Variants in TBPL2 observed in about 807,000 individuals in gnomAD.
The protein encoded by TBPL2 is TATA-box binding protein like 2, also known as TATA box-binding protein-like 2.
Under a neutral mutation model 38.2 loss-of-function variants are expected in TBPL2, and 40 were observed. The observed-to-expected ratio is 1.05, with a 90% CI of 0.81 to 1.36. TBPL2 has a LOEUF of 1.36. Ranked by LOEUF, TBPL2 falls within the 40% of genes most tolerant of loss-of-function variation. TBPL2 has a pLI of 0.00. For synonymous variants in TBPL2, 169 were observed against 171.7 expected, an observed-to-expected ratio of 0.98 and a Z score of 0.12; for missense variants, 461 against 456.7, an observed-to-expected ratio of 1.01 and a Z score of -0.09.
At chr14:55,433,817 T>A (rs1345925194) in intron 3 of TBPL2, 96 bp from the exon 4 acceptor site, 1 of 1,069,648 alleles carries the variant, frequency 9.3e-7, no homozygotes, top group African/African-American at 1.6e-5. Flanking sequence ...TCAAACAGAT[T>A]GGATGGGAAA....
At chr14:55,435,402 A>G (rs1260977288) in intron 3 of TBPL2, among the ~76,000 whole-genome samples, 1 of 150,772 alleles carries the variant, frequency 6.6e-6, no homozygotes, top group Admixed American at 6.6e-5. Context: ...CAACCTCCTG[A>G]GTAGCTGGGA....
intron 5 of TBPL2, among the ~76,000 whole-genome samples, chr14:55,428,069 C>T (rs1885857293): frequency 6.7e-6 from 1 of 148,588 alleles, no homozygotes; most frequent in Non-Finnish European, 1.5e-5. Context: ...TCTCCCCTCA[C>T]CAGCTGTCAA....
At chr14:55,420,550 AACTTTT>A (rs1437679299) in intron 6 of TBPL2, among the ~76,000 whole-genome samples, 1 of 152,240 alleles carries the variant, frequency 6.6e-6, no homozygotes, top group Non-Finnish European at 1.5e-5. Flanking sequence ...GTCATGGATT[AACTTTT>A]ACTTCACAGT....
intron 4 of TBPL2, among the ~76,000 whole-genome samples, chr14:55,431,692 TGTA>T (rs1165344234): frequency 6.6e-6 from 1 of 152,196 alleles, no homozygotes; most frequent in Non-Finnish European, 1.5e-5. Flanking sequence ...TTGGGGGAAA[TGTA>T]GTAACAATGG....
chr14:55,417,107 T>C (rs1291516166), intron 6 of TBPL2, among the ~76,000 whole-genome samples: 1 of 152,176 alleles, frequency 6.6e-6, no homozygotes, highest in Non-Finnish European at 1.5e-5. Context: ...AGAGAAACGA[T>C]TTTAGACATA....
chr14:55,437,426 C>T lies in TBPL2; in HGVS notation c.151-408G>A, dbSNP rs574162465. ...CTGGGAGGCAGAGGTTGCAGTGAGT[C>T]GAGATCATGCTACTGCACTCCAGCC... On this transcript the variant is annotated intron_variant, in intron 1 of 6. Coordinates refer to ENST00000247219, the Ensembl canonical transcript of TBPL2. 5.9e-5 allele frequency among the ~76,000 whole-genome samples: 9 copies of T among 152,308 alleles called. No individual in the cohort carries two copies. The South Asian group carries it at 1.2e-3, about 21-fold the overall frequency.
At chr14:55,424,178 A>G in exon 6 of TBPL2, 1 of 1,613,088 alleles carries the variant, frequency 6.2e-7, no homozygotes, top group Non-Finnish European at 8.5e-7. Context: ...CAACTTTTCC[A>G]GATACAAAGA....
chr14:55,419,137 T>G (rs887691695), intron 6 of TBPL2, among the ~76,000 whole-genome samples: 3 of 152,252 alleles, frequency 2.0e-5, no homozygotes, highest in African/African-American at 7.2e-5. Flanking sequence ...CAGGTGTTAT[T>G]GTAGACTTGC....
intron 3 of TBPL2, 63 bp downstream of exon 3, chr14:55,435,784 C>T: frequency 8.3e-7 from 1 of 1,204,354 alleles, no homozygotes; most frequent in Non-Finnish European, 1.2e-6. Flanking sequence ...ATATCATGAT[C>T]ATATTAAGAA....
intron 1 of TBPL2, among the ~76,000 whole-genome samples, chr14:55,439,308 C>G (rs1290899422): frequency 6.8e-6 from 1 of 147,706 alleles, no homozygotes; most frequent in Non-Finnish European, 1.5e-5. Context: ...ACAGGTGTTT[C>G]TAGTTGACAT....
chr14:55,437,032 A>G lies in TBPL2; in HGVS notation c.151-14T>C, dbSNP rs1886026923. 1 of 1,609,034 alleles carries G rather than the reference A, an allele frequency of 6.2e-7. No homozygotes were observed. Among genetic ancestry groups the G allele is most frequent in the Non-Finnish European group, 8.5e-7 (1 of 1,175,808 alleles). ...GGCAAGGCCATCCTAGGCAGTTCCC[A>G]AAACAGACAGACAAAAACACAACAG... On this transcript the variant is annotated splice_polypyrimidine_tract_variant and intron_variant, in intron 1 of 6. Coordinates refer to ENST00000247219, the Ensembl canonical transcript of TBPL2.
chr14:55,436,626 T>A (rs1033289418), exon 2 of TBPL2: 2 of 1,614,240 alleles, frequency 1.2e-6, no homozygotes, highest in Middle Eastern at 1.6e-4. Context: ...GAGTTATGGA[T>A]GCCAGAGACA....
intron 4 of TBPL2, among the ~76,000 whole-genome samples, chr14:55,433,052 A>G (rs1885957283): frequency 1.3e-5 from 2 of 152,242 alleles, no homozygotes; most frequent in South Asian, 4.1e-4. Context: ...AATTCACCTT[A>G]GAAACAAGTT....
intron 6 of TBPL2, among the ~76,000 whole-genome samples, chr14:55,422,322 T>G (rs1176803691): frequency 6.6e-6 from 1 of 152,128 alleles, no homozygotes; most frequent in African/African-American, 2.4e-5. Flanking sequence ...CTCAGCTCAC[T>G]GCAACCTCCA....
chr14:55,438,908 A>G (rs1195866386), intron 1 of TBPL2: 1 of 128,012 alleles, frequency 7.8e-6, no homozygotes, highest in Admixed American at 7.4e-5. Flanking sequence ...TCTCCCACCA[A>G]AAAAAAAAAA....
At chr14:55,423,399 T>C (rs950106713) in intron 6 of TBPL2, among the ~76,000 whole-genome samples, 2 of 152,064 alleles carry the variant, frequency 1.3e-5, no homozygotes, top group African/African-American at 2.4e-5. Context: ...CATTTCTGAG[T>C]GTCCACACTA....
chr14:55,417,525 C>T (rs1392562292), intron 6 of TBPL2, among the ~76,000 whole-genome samples: 2 of 150,752 alleles, frequency 1.3e-5, no homozygotes, highest in Non-Finnish European at 2.9e-5. Context: ...ACCATCTCAG[C>T]TCACTGCAAC....
At chr14:55,426,626 C>T (rs1006955417) in intron 5 of TBPL2, among the ~76,000 whole-genome samples, 5 of 151,670 alleles carry the variant, frequency 3.3e-5, no homozygotes, top group Non-Finnish European at 7.4e-5. Context: ...CTGAGGCTGA[C>T]AGCCGAATGG....
intron 4 of TBPL2, among the ~76,000 whole-genome samples, chr14:55,431,732 C>T (rs764706857): frequency 5.3e-5 from 8 of 151,978 alleles, no homozygotes; most frequent in African/African-American, 1.5e-4. Flanking sequence ...ATCTGAGTAC[C>T]GACTGATCAT....
Sources: allele counts gnomAD v4.1 joint callset (sites outside exome capture counted in the v4.1 genomes callset), GRCh38; gene constraint gnomAD v4.1.1; transcripts MANE v1.5; gene names NCBI Gene and HGNC (gene_info 2026-07-23, HGNC 2026-07-21).